NAA25: variants seen among roughly 807,000 people sequenced by gnomAD.
The protein encoded by NAA25 is N-alpha-acetyltransferase 25, NatB auxiliary subunit.
Under a neutral mutation model 132.5 loss-of-function variants are expected in NAA25, and 30 were observed. That is an observed-to-expected ratio of 0.23 (90% CI 0.17 to 0.31). NAA25 has a LOEUF of 0.31. Ranked by LOEUF, NAA25 falls within the 10% of genes least tolerant of loss-of-function variation. NAA25 has a pLI of 1.00. For missense variants in NAA25, 771 were observed against 1,150.4 expected, an observed-to-expected ratio of 0.67 and a Z score of 4.77; for synonymous variants, 359 against 401.9, an observed-to-expected ratio of 0.89 and a Z score of 1.28.
chr12:112,075,862 C>A, intron 7 of NAA25, 73 bp from the exon 8 acceptor site: 1 of 1,191,024 alleles, frequency 8.4e-7, no homozygotes, highest in Non-Finnish European at 1.2e-6. Context: ...AGTCCAACCA[C>A]AAGAAGGAAA....
At chr12:112,094,098 A>G (rs1010743017) in intron 1 of NAA25, among the ~76,000 whole-genome samples, 4 of 151,714 alleles carry the variant, frequency 2.6e-5, no homozygotes, top group African/African-American at 9.7e-5. Context: ...AAAATTAGCC[A>G]GGCGTGGTGG....
intron 5 of NAA25, among the ~76,000 whole-genome samples, chr12:112,080,397 TAC>T (rs1009146956): frequency 3.3e-5 from 5 of 149,514 alleles, no homozygotes; most frequent in Non-Finnish European, 7.4e-5. Flanking sequence ...CACAGTCAGA[TAC>T]AGAGGCTCAT....
chr12:112,089,046 A>T (rs770327293), intron 3 of NAA25, among the ~76,000 whole-genome samples: 1 of 152,172 alleles, frequency 6.6e-6, no homozygotes, highest in Non-Finnish European at 1.5e-5. Context: ...AAATCAACAC[A>T]ATCTGTAAAT....
rs143630626 is a variant in NAA25, at chr12:112,060,295, C to T, written c.1422G>A (p.Ala474=). Residue 474 remains alanine, a synonymous_variant, in exon 13 of 24, where the codon GCG becomes GCA. Transcript: ENST00000261745. Reference sequence around the variant, plus strand: ...CTGTTTCCCTCCATACATCAATAAGCGCATGGACAGCAAGGAGACAGTAAT... The same window carrying T: ...CTGTTTCCCTCCATACATCAATAAGTGCATGGACAGCAAGGAGACAGTAAT... The part of the protein sequence containing the change: ...SDYYCLLAVH[A]LIDVWRETGD... The T allele has an allele frequency of 2.0e-4, 322 of 1,612,830 alleles. 2 individuals carry two copies. Among genetic ancestry groups the T allele is most frequent in the Non-Finnish European group, 1.5e-4 (172 of 1,179,040 alleles).
rs1566004523 is a variant in NAA25 at position 112,049,539 on chromosome 12, G to A, written c.1729-1096C>T. ...CAGGCCGCGGGATTGCGCCACGGGC[G>A]CTAATTCAACTGCATTCGATGCGGC... is the stretch of plus-strand genomic sequence containing the variant. On this transcript the variant is annotated intron_variant, in intron 15 of 23. Transcript: ENST00000261745. The surrounding 1 kb of genome is among the most constrained non-coding windows in gnomAD (Gnocchi z 4.7). The A allele has an allele frequency of 2.0e-6, 2 of 985,732 alleles. No homozygotes were observed. Among genetic ancestry groups the A allele is most frequent in the Admixed American group, 6.1e-5 (1 of 16,268 alleles). The allele number at this position is 985,732 out of a possible 1,614,324, so 61.1% of individuals were successfully genotyped here.
chr12:112,042,133 C>T (rs2078308863), intron 19 of NAA25, 29 bp from the exon 20 acceptor site: 1 of 1,172,054 alleles, frequency 8.5e-7, no homozygotes, highest in South Asian at 1.6e-5. Flanking sequence ...AAATGAAAAA[C>T]TTTCAATTCT....
intron 23 of NAA25, among the ~76,000 whole-genome samples, chr12:112,031,043 G>A (rs1325298508): frequency 6.6e-6 from 1 of 151,780 alleles, no homozygotes; most frequent in African/African-American, 2.4e-5. Context: ...GCCTCCCAAA[G>A]TGCTGAGATT....
chr12:112,062,976 C>T (rs759143734), intron 11 of NAA25, among the ~76,000 whole-genome samples: 18 of 151,980 alleles, frequency 1.2e-4, no homozygotes, highest in Non-Finnish European at 2.4e-4. Context: ...GGGAGGATGA[C>T]TTGAGCCCAG....
At chr12:112,069,328 A>C in intron 10 of NAA25, 1 of 224,754 alleles carries the variant, frequency 4.4e-6, no homozygotes, top group Non-Finnish European at 8.9e-6. Context: ...ACATGGTGAA[A>C]CCCCATCTCT....
At position 112,068,999 on chromosome 12, in the gene NAA25, GACGGGGA is replaced by G; in HGVS notation, c.1037-14_1037-8del. 6.6e-7 allele frequency: 1 copy of G among 1,504,474 alleles called. No individual in the cohort carries two copies. The highest frequency in any genetic ancestry group is 9.2e-7 in the Non-Finnish European group (1 of 1,085,526). 93.2% of individuals were successfully genotyped at this position (1,504,474 alleles called of 1,614,324 possible). On this transcript the variant is annotated splice_polypyrimidine_tract_variant and splice_region_variant and intron_variant, in intron 10 of 23. Coordinates refer to ENST00000261745, the MANE Select transcript of NAA25 (RefSeq NM_024953.4). ...ATTAATTCTTCTGGATCACCTGGGGGACGGGGAACAAAATCACTTTATTACTCATGAA... is the reference window on the plus strand; with the variant it reads ...ATTAATTCTTCTGGATCACCTGGGGGACAAAATCACTTTATTACTCATGAA...
At chr12:112,100,743 C>T (rs1021254594) in intron 1 of NAA25, among the ~76,000 whole-genome samples, 48 of 151,632 alleles carry the variant, frequency 3.2e-4, no homozygotes, top group Admixed American at 3.9e-4. Context: ...CCTCAGCCTC[C>T]GGAGTAGCTG....
rs368335349 is a variant in NAA25 at position 112,040,487 on chromosome 12, A to G, written c.2532T>C (p.Phe844=). Residue 844 remains phenylalanine (F), a synonymous_variant, in exon 21 of 24, where the codon TTT becomes TTC. Transcript: ENST00000261745. ...GAAGAGAACAAAAACTTACCTCAAC[A>G]AAGAAAACTAGATTTTCTAAAAGAG... The part of the protein sequence containing the change: ...HPTLLENLVF[F]VETISVILWV... 4.9e-5 allele frequency: 77 copies of G among 1,572,460 alleles called. No homozygotes were observed. Among genetic ancestry groups the G allele is most frequent in the Non-Finnish European group, 3.8e-5 (44 of 1,147,470 alleles).
chr12:112,036,840 C>CAA lies in NAA25; in HGVS notation c.2649+2387_2649+2388dup, dbSNP rs1160066916. 1.9e-3 allele frequency among the ~76,000 whole-genome samples: 181 copies of CAA among 95,468 alleles called. 1 individual carries two copies. The highest frequency in any genetic ancestry group is 6.8e-3 in the African/African-American group (173 of 25,442). 62.6% of individuals were successfully genotyped at this position (95,468 alleles called of 152,430 possible). A position where few individuals can be genotyped will look rare whatever the true frequency, so the allele number is the denominator to read the frequency against. ...TGGGCAACAGAGCAAGACTCCATCT[C>CAA]AAAAAAAAAAAAAAAAGTACGTAAA... is the stretch of plus-strand genomic sequence containing the variant. On this transcript the variant is annotated intron_variant, in intron 22 of 23. Coordinates refer to ENST00000261745, the MANE Select transcript of NAA25 (RefSeq NM_024953.4).
chr12:112,073,051 T>C (rs953081098), intron 9 of NAA25, among the ~76,000 whole-genome samples: 3 of 151,784 alleles, frequency 2.0e-5, no homozygotes, highest in African/African-American at 7.3e-5. Context: ...CTGGGCAACA[T>C]GGTAAAACCC....
chr12:112,059,378 A>G (rs1388880361), intron 13 of NAA25, among the ~76,000 whole-genome samples: 9 of 152,146 alleles, frequency 5.9e-5, no homozygotes, highest in Non-Finnish European at 1.3e-4. Context: ...CTATAGTTCA[A>G]TTCTCATGAA....
At chr12:112,034,628 AAACAACAAC>A (rs57168073) in intron 22 of NAA25, 2,290 of 151,318 alleles carry the variant, frequency 0.015, 19 homozygotes, top group Non-Finnish European at 0.024. Flanking sequence ...TCCGTCTCAA[AAACAACAAC>A]AACAACAACA....
At chr12:112,106,904 C>T (rs938942522) in intron 1 of NAA25, among the ~76,000 whole-genome samples, 1 of 128,448 alleles carries the variant, frequency 7.8e-6, no homozygotes, top group African/African-American at 3.1e-5. Context: ...TTGCAGTGCA[C>T]TGTGATTGTG....
chr12:112,092,674 TC>T (rs1007459395), intron 2 of NAA25, among the ~76,000 whole-genome samples: 168 of 141,836 alleles, frequency 1.2e-3, no homozygotes, highest in African/African-American at 4.0e-3. Flanking sequence ...ACATCCTTTC[TC>T]CCCCCCCTTT....
rs1251829955 is a variant in NAA25 at position 112,049,050 on chromosome 12, G to T, written c.1729-607C>A. On this transcript the variant is annotated intron_variant, in intron 15 of 23. Coordinates refer to ENST00000261745, the MANE Select transcript of NAA25 (RefSeq NM_024953.4). This position sits in a 1 kb window ranked among gnomAD's most constrained non-coding sequence, Gnocchi z 4.7. ...TGTCATAATCTATTCTGAGGACAAA[G>T]ACTTCAAGAACCAAGTTTCTTGTCC... Among the ~76,000 whole-genome samples, 1 of 152,170 alleles carries T rather than the reference G, an allele frequency of 6.6e-6. No homozygotes were observed. The highest frequency in any genetic ancestry group is 1.5e-5 in the Non-Finnish European group (1 of 68,034).
Sources: gnomAD v4.1 joint callset for allele counts (sites outside exome capture counted in the v4.1 genomes callset) on GRCh38, gnomAD v4.1.1 for gene constraint, Gnocchi (gnomAD v3.1) non-coding constraint, MANE v1.5 for transcripts, NCBI Gene and HGNC (gene_info 2026-07-23, HGNC 2026-07-21) for gene names.